The following ATP2B4 variants were observed in gnomAD, a reference collection of about 807,000 sequenced individuals.
The protein encoded by ATP2B4 is plasma membrane calcium-transporting ATPase 4.
A neutral mutation model predicts 110.3 loss-of-function variants in ATP2B4; 39 were observed. The ratio of observed to expected loss-of-function variants is 0.35; its 90% CI spans 0.27 to 0.46. The LOEUF is 0.46. Among genes scored for constraint, ATP2B4 ranks in the 20% least tolerant of loss-of-function variants. The pLI is 1.00. For missense variants in ATP2B4, 1,135 were observed against 1,530.9 expected, an observed-to-expected ratio of 0.74 and a Z score of 4.32; for synonymous variants, 538 against 571.7, an observed-to-expected ratio of 0.94 and a Z score of 0.84.
intron 1 of ATP2B4, among the ~76,000 whole-genome samples, chr1:203,639,461 C>A (rs1663560753): frequency 6.6e-6 from 1 of 152,150 alleles, no homozygotes; most frequent in African/African-American, 2.4e-5. Context: ...GCAAGCCCCG[C>A]TTGTTGGTAG....
intron 1 of ATP2B4, among the ~76,000 whole-genome samples, chr1:203,633,025 A>G (rs367662571): frequency 1.1e-4 from 17 of 152,294 alleles, no homozygotes; most frequent in African/African-American, 4.1e-4. Flanking sequence ...GGAGGTTGTA[A>G]GGAACAGTGC....
At chr1:203,721,119 G>T in intron 16 of ATP2B4, 78 bp from the exon 17 acceptor site, 3 of 1,470,596 alleles carry the variant, frequency 2.0e-6, no homozygotes, top group Non-Finnish European at 2.8e-6. Flanking sequence ...GGTGGGTCGT[G>T]GGAGCTGGGC....
chr1:203,640,158 G>T (rs1571669042), intron 1 of ATP2B4, among the ~76,000 whole-genome samples: 1 of 151,984 alleles, frequency 6.6e-6, no homozygotes, highest in Non-Finnish European at 1.5e-5. Context: ...TATTATTCCG[G>T]TGACCCCCTC....
At chr1:203,701,729 C>T (rs1447326785) in intron 6 of ATP2B4, among the ~76,000 whole-genome samples, 1 of 152,192 alleles carries the variant, frequency 6.6e-6, no homozygotes, top group African/African-American at 2.4e-5. Context: ...AGAAACGGTT[C>T]AAACCTCTCA....
intron 9 of ATP2B4, 128 bp downstream of exon 9, chr1:203,707,351 G>C (rs1665878796): frequency 3.7e-6 from 3 of 800,652 alleles, no homozygotes; most frequent in Non-Finnish European, 5.8e-6. Flanking sequence ...CACAAGAGCA[G>C]AAGTCCCTGG....
At chr1:203,650,858 AG>A (rs1663968466) in intron 1 of ATP2B4, among the ~76,000 whole-genome samples, 2 of 152,204 alleles carry the variant, frequency 1.3e-5, no homozygotes, top group South Asian at 4.1e-4. Flanking sequence ...CACCACCAAA[AG>A]GCCAGAATTT....
intron 1 of ATP2B4, among the ~76,000 whole-genome samples, chr1:203,663,552 A>G (rs1382236736): frequency 3.3e-5 from 5 of 151,946 alleles, no homozygotes; most frequent in Non-Finnish European, 5.9e-5. Flanking sequence ...CCCAGCTCCA[A>G]TGTCCTGGGT....
chr1:203,696,612 A>G (rs371830122), intron 2 of ATP2B4, among the ~76,000 whole-genome samples: 15 of 152,200 alleles, frequency 9.9e-5, no homozygotes, highest in African/African-American at 3.6e-4. Flanking sequence ...ATTAATCACC[A>G]TGGTAGGATT....
chr1:203,681,483 C>G (rs893963589), intron 1 of ATP2B4, among the ~76,000 whole-genome samples: 1 of 152,146 alleles, frequency 6.6e-6, no homozygotes, highest in Non-Finnish European at 1.5e-5. Flanking sequence ...TCAGTGGGGA[C>G]TACGTAACCG....
intron 1 of ATP2B4, among the ~76,000 whole-genome samples, chr1:203,633,887 C>A (rs529574237): frequency 6.6e-6 from 1 of 152,036 alleles, no homozygotes; most frequent in Admixed American, 6.5e-5. Flanking sequence ...CCCGTCTCTA[C>A]TAAAAATACA....
At chr1:203,681,876 T>C (rs1665024847) in intron 1 of ATP2B4, among the ~76,000 whole-genome samples, 2 of 151,418 alleles carry the variant, frequency 1.3e-5, no homozygotes, top group Non-Finnish European at 2.9e-5. Flanking sequence ...GAAACTTTAA[T>C]GCTCAGGCTT....
intron 20 of ATP2B4, chr1:203,733,360 C>A: frequency 6.2e-7 from 1 of 1,614,058 alleles, no homozygotes; most frequent in Non-Finnish European, 8.5e-7. Context: ...AATCTTCCCC[C>A]ACCACTTCTG....
intron 12 of ATP2B4, among the ~76,000 whole-genome samples, chr1:203,711,448 C>T (rs1418880824): frequency 2.0e-5 from 3 of 152,144 alleles, no homozygotes; most frequent in Non-Finnish European, 4.4e-5. Context: ...GTGCTGATAA[C>T]TATTCTAGAC....
intron 1 of ATP2B4, among the ~76,000 whole-genome samples, chr1:203,673,584 G>T (rs1452406263): frequency 2.6e-5 from 4 of 152,208 alleles, no homozygotes; most frequent in Non-Finnish European, 5.9e-5. Flanking sequence ...GGTAAAGCGG[G>T]GATGGGAGGT....
rs1665701316 is a variant in ATP2B4, at chr1:203,701,834, G to A, written c.902-210G>A. Among the ~76,000 whole-genome samples the A allele has an allele frequency of 1.3e-5, 2 of 152,156 alleles. 1 individual carries two copies. The highest frequency in any genetic ancestry group is 4.1e-4 in the South Asian group (2 of 4,826). ...TATGAGTATGCACTCACCTACATGA[G>A]CGTTTTGGTGGATATCCCGAGGATT... On this transcript the variant is annotated intron_variant, in intron 6 of 20. Coordinates refer to ENST00000357681, the MANE Select transcript of ATP2B4 (RefSeq NM_001684.5).
chr1:203,703,306 AGGATGGTTGTT>A (rs1175508698), intron 7 of ATP2B4, among the ~76,000 whole-genome samples: 2 of 152,184 alleles, frequency 1.3e-5, no homozygotes, highest in East Asian at 3.8e-4. Context: ...AGTTCCAGGA[AGGATGGTTGTT>A]TTAATAGTGC....
intron 18 of ATP2B4, among the ~76,000 whole-genome samples, chr1:203,723,461 C>CTCT (rs1666407930): frequency 4.4e-5 from 3 of 67,676 alleles, no homozygotes; most frequent in East Asian, 5.2e-4. Flanking sequence ...TCTCTCTCTC[C>CTCT]CTCTGCCTCT....
intron 1 of ATP2B4, among the ~76,000 whole-genome samples, chr1:203,672,373 G>C (rs1192504432): frequency 7.7e-6 from 1 of 129,656 alleles, no homozygotes; most frequent in African/African-American, 2.9e-5. Context: ...GATTTAGGGG[G>C]TTGGGAAAAG....
At chr1:203,720,493 A>G in intron 15 of ATP2B4, 56 bp from the exon 16 acceptor site, 1 of 1,520,832 alleles carries the variant, frequency 6.6e-7, no homozygotes, top group Non-Finnish European at 8.9e-7. Flanking sequence ...GAGGTCAGGA[A>G]ATGGAGCCTG....
Sources: gnomAD v4.1 joint callset for allele counts (sites outside exome capture counted in the v4.1 genomes callset) on GRCh38, gnomAD v4.1.1 for gene constraint, MANE v1.5 for transcripts, NCBI Gene and HGNC (gene_info 2026-07-23, HGNC 2026-07-21) for gene names.